Variants in COL11A1 observed in about 807,000 individuals in gnomAD.
COL11A1 encodes the protein collagen type XI alpha 1 chain, also known as collagen alpha-1(XI) chain.
Under a neutral mutation model 265.2 loss-of-function variants are expected in COL11A1, and 74 were observed. That is an observed-to-expected ratio of 0.28 (90% CI 0.23 to 0.34). COL11A1 has a LOEUF of 0.34. COL11A1 is among the 10% of genes least tolerant of loss of function. The pLI is 1.00. For missense variants in COL11A1, 2,165 were observed against 2,263.6 expected (o/e 0.96, Z 0.88); for synonymous variants, 816 against 727.6 (o/e 1.12, Z -1.96).
At chr1:103,083,840 G>T (rs1362124844) in intron 1 of COL11A1, among the ~76,000 whole-genome samples, 1 of 152,064 alleles carries the variant, frequency 6.6e-6, no homozygotes, top group Admixed American at 6.6e-5. Flanking sequence ...TAGTCTTAGG[G>T]TATGTAAAAC....
chr1:103,037,414 C>T (rs1344852675), intron 4 of COL11A1, among the ~76,000 whole-genome samples: 1 of 152,008 alleles, frequency 6.6e-6, no homozygotes. Flanking sequence ...GTGAAGCCAA[C>T]CAGTGATTGG....
intron 28 of COL11A1, among the ~76,000 whole-genome samples, chr1:102,993,964 G>A (rs1284727103): frequency 4.6e-5 from 7 of 152,152 alleles, no homozygotes; most frequent in Admixed American, 4.6e-4. Flanking sequence ...TAGGTGATCA[G>A]GATGAACTGA....
rs1651338299 is a variant in COL11A1, at chr1:102,888,724, G to A, written c.4553C>T (p.Thr1518Ile). 1.9e-6 allele frequency: 3 copies of A among 1,613,884 alleles called. No individual in the cohort carries two copies. Among genetic ancestry groups the A allele is most frequent in the Non-Finnish European group, 2.5e-6 (3 of 1,179,914 alleles). The change falls in exon 61 of 67, where the codon ACT becomes ATT. Residue 1518 changes from threonine (T) to isoleucine (I), a missense_variant and splice_region_variant. By Grantham distance (89) the Thr-to-Ile change is moderately conservative. Transcript: ENST00000370096. Reference sequence around the variant, plus strand: ...ATTGTCAAAGGGAAAAGTACTTACAGTAGAGCCTTTGTTACCCTTTGGGCC... The same window carrying A: ...ATTGTCAAAGGGAAAAGTACTTACAATAGAGCCTTTGTTACCCTTTGGGCC... The part of the protein sequence containing the change: ...PQGPKGNKGS[T>I]GPAGQKGDSG...
chr1:103,011,958 T>C (rs983610808), intron 14 of COL11A1, among the ~76,000 whole-genome samples: 1 of 152,166 alleles, frequency 6.6e-6, no homozygotes, highest in African/African-American at 2.4e-5. Context: ...TTGAAGCACC[T>C]TGTGGAATAC....
At chr1:102,904,890 A>T (rs1653725882) in intron 54 of COL11A1, among the ~76,000 whole-genome samples, 1 of 152,150 alleles carries the variant, frequency 6.6e-6, no homozygotes, top group African/African-American at 2.4e-5. Context: ...TACCCAAAGG[A>T]TTATAAATCA....
intron 54 of COL11A1, among the ~76,000 whole-genome samples, chr1:102,908,603 C>T (rs1190373501): frequency 6.6e-6 from 1 of 151,912 alleles, no homozygotes; most frequent in East Asian, 1.9e-4. Flanking sequence ...ATCATTTCTC[C>T]CAGCAGAATT....
chr1:103,021,897 G>C (rs939252976), intron 8 of COL11A1, 128 bp from the exon 9 acceptor site: 1 of 718,294 alleles, frequency 1.4e-6, no homozygotes, highest in African/African-American at 1.8e-5. Context: ...GCCCAGGTTA[G>C]AGTGCAGTGG....
chr1:103,073,061 T>C (rs1332862539), intron 4 of COL11A1, among the ~76,000 whole-genome samples: 1 of 151,774 alleles, frequency 6.6e-6, no homozygotes, highest in Non-Finnish European at 1.5e-5. Flanking sequence ...GGATGCGAAG[T>C]AGCTTAATAA....
rs184632120 is a variant in COL11A1, at chr1:103,091,820, A to G, written c.107-8848T>C. On this transcript the variant is annotated intron_variant, in intron 1 of 66. Coordinates refer to ENST00000370096, the MANE Select transcript of COL11A1 (RefSeq NM_001854.4). ...AAAACTGCGTATTTCATATTCAAACAGTGAAGAGCACCAAACTGAGAATGA... is the reference window on the plus strand; with the variant it reads ...AAAACTGCGTATTTCATATTCAAACGGTGAAGAGCACCAAACTGAGAATGA... 3.3e-5 allele frequency among the ~76,000 whole-genome samples: 5 copies of G among 152,248 alleles called. No homozygotes were observed. The East Asian group carries it at 9.6e-4, about 29-fold the overall frequency.
In COL11A1 at chr1:103,082,749, C is replaced by A. The variant is rs1672510685; in HGVS notation, c.274+56G>T. On this transcript the variant is annotated intron_variant, in intron 2 of 66. Transcript: ENST00000370096. ...ATACTAAAAGTAGTTTTAGTAGTAA[C>A]AAAAGTGTAATAACTTTTAGTAATA... 2.1e-6 allele frequency: 3 copies of A among 1,458,782 alleles called. No homozygotes were observed. The East Asian group carries it at 7.4e-5, about 36-fold the overall frequency. 90.4% of individuals were successfully genotyped at this position (1,458,782 alleles called of 1,614,324 possible). A position where few individuals can be genotyped will look rare whatever the true frequency, so the allele number is the denominator to read the frequency against.
chr1:102,940,320 TACCA>T lies in COL11A1; in HGVS notation c.3384+3_3384+6del. ...AGGATCTACTAACACGAATAATGAA[TACCA>T]ACCTTGTCTCCGTCTTCCCCAGGGG... On this transcript the variant is annotated splice_donor_5th_base_variant and intron_variant, in intron 43 of 66. Coordinates refer to ENST00000370096, the MANE Select transcript of COL11A1 (RefSeq NM_001854.4). 1 of 1,608,546 alleles carries T rather than the reference TACCA, an allele frequency of 6.2e-7. No individual in the cohort carries two copies. The highest frequency in any genetic ancestry group is 2.2e-5 in the East Asian group (1 of 44,834).
chr1:103,076,454 A>G (rs1239346555), intron 3 of COL11A1, among the ~76,000 whole-genome samples: 1 of 152,070 alleles, frequency 6.6e-6, no homozygotes, highest in Admixed American at 6.5e-5. Context: ...GCTTCACAGG[A>G]GGGTCCCCTA....
chr1:103,077,072 A>C (rs142542885), intron 3 of COL11A1, among the ~76,000 whole-genome samples: 1,751 of 152,194 alleles, frequency 0.012, 15 homozygotes, highest in Non-Finnish European at 0.015. Flanking sequence ...TTGTTATTGA[A>C]GGAATATACA....
intron 2 of COL11A1, among the ~76,000 whole-genome samples, chr1:103,082,473 A>ACCC (rs1315472369): frequency 1.3e-5 from 2 of 152,088 alleles, no homozygotes; most frequent in African/African-American, 2.4e-5. Context: ...TACAAGTAGA[A>ACCC]ATAGGCTAGA....
intron 14 of COL11A1, among the ~76,000 whole-genome samples, chr1:103,010,631 T>G (rs1395188194): frequency 1.3e-5 from 2 of 152,212 alleles, no homozygotes; most frequent in Non-Finnish European, 2.9e-5. Flanking sequence ...CATTTCCTTG[T>G]GTTTTTCAAG....
At chr1:102,972,656 C>T (rs1035888907) in intron 36 of COL11A1, among the ~76,000 whole-genome samples, 8 of 152,078 alleles carry the variant, frequency 5.3e-5, no homozygotes, top group African/African-American at 1.9e-4. Flanking sequence ...AAATAGGCTT[C>T]CCAGGCTTCC....
intron 4 of COL11A1, among the ~76,000 whole-genome samples, chr1:103,032,430 C>G (rs1668059531): frequency 6.6e-6 from 1 of 151,820 alleles, no homozygotes; most frequent in African/African-American, 2.4e-5. Flanking sequence ...AATATTGAAC[C>G]TGTGGGTGTA....
At chr1:103,091,855 GAC>G (rs1673350346) in intron 1 of COL11A1, among the ~76,000 whole-genome samples, 1 of 151,974 alleles carries the variant, frequency 6.6e-6, no homozygotes, top group Admixed American at 6.6e-5. Context: ...ACATAAGAAA[GAC>G]AATATATATC....
At chr1:103,007,885 A>AAT (rs1325891623) in intron 15 of COL11A1, among the ~76,000 whole-genome samples, 13 of 151,720 alleles carry the variant, frequency 8.6e-5, no homozygotes, top group Admixed American at 7.2e-4. Context: ...AAAAAAAAAA[A>AAT]AGATTGTCTA....
Sources: gnomAD v4.1 joint callset for allele counts (sites outside exome capture counted in the v4.1 genomes callset) on GRCh38, gnomAD v4.1.1 for gene constraint, MANE v1.5 for transcripts, NCBI Gene and HGNC (gene_info 2026-07-23, HGNC 2026-07-21) for gene names.